MDGA2: variants seen among roughly 807,000 people sequenced by gnomAD.
MDGA2 encodes MAM domain-containing glycosylphosphatidylinositol anchor protein 2.
MDGA2 carries 40 observed loss-of-function variants against 117.8 expected under a neutral mutation model. That is an observed-to-expected ratio of 0.34 (90% CI 0.26 to 0.44). MDGA2 has a LOEUF of 0.44. Ranked by LOEUF, MDGA2 falls within the 20% of genes least tolerant of loss-of-function variation. The pLI is 1.00. For missense variants in MDGA2, 1,123 were observed against 1,250.6 expected, an observed-to-expected ratio of 0.90 and a Z score of 1.54; for synonymous variants, 452 against 439.0, an observed-to-expected ratio of 1.03 and a Z score of -0.37.
intron 9 of MDGA2, among the ~76,000 whole-genome samples, chr14:46,955,642 A>G (rs1388743097): frequency 1.3e-5 from 2 of 152,050 alleles, no homozygotes; most frequent in African/African-American, 4.8e-5. Flanking sequence ...ATTTTAAAAG[A>G]AGAAAGAAAA....
intron 2 of MDGA2, among the ~76,000 whole-genome samples, chr14:47,284,696 T>C (rs1460392458): frequency 6.6e-6 from 1 of 152,156 alleles, no homozygotes; most frequent in East Asian, 1.9e-4. Flanking sequence ...TACTCCATTA[T>C]ACTAACAAAA....
At chr14:47,348,167 ATGTGTGTGTG>A (rs56850503) in intron 1 of MDGA2, among the ~76,000 whole-genome samples, 1 of 143,370 alleles carries the variant, frequency 7.0e-6, no homozygotes, top group African/African-American at 2.6e-5. Context: ...CTCTCTGTAT[ATGTGTGTGTG>A]TGTGTGTGTG....
At chr14:46,913,028 CTA>C (rs1273500114) in intron 10 of MDGA2, among the ~76,000 whole-genome samples, 9 of 152,078 alleles carry the variant, frequency 5.9e-5, no homozygotes, top group African/African-American at 2.2e-4. Context: ...TCTCTCATCT[CTA>C]TATGTTTAAT....
chr14:47,335,421 T>C (rs549485846), intron 1 of MDGA2, among the ~76,000 whole-genome samples: 4 of 151,460 alleles, frequency 2.6e-5, no homozygotes, highest in African/African-American at 4.8e-5. Flanking sequence ...CATATGGATA[T>C]GTAGGCGAAA....
In MDGA2 at chr14:47,298,746, A is replaced by G. The variant is rs529219699; in HGVS notation, c.420+2665T>C. ...GTCGCCCAGGCTGGAGTGCAGTGGCACGATCTCGGCTCACTGCAAGCTCCG... is the reference window on the plus strand; with the variant it reads ...GTCGCCCAGGCTGGAGTGCAGTGGCGCGATCTCGGCTCACTGCAAGCTCCG... On this transcript the variant is annotated intron_variant, in intron 2 of 16. Transcript: ENST00000399232. Among the ~76,000 whole-genome samples, 251 of 143,044 alleles carry G rather than the reference A, an allele frequency of 1.8e-3. 2 individuals carry two copies. Among genetic ancestry groups the G allele is most frequent in the African/African-American group, 5.4e-3 (212 of 39,024 alleles). 93.8% of individuals were successfully genotyped at this position (143,044 alleles called of 152,430 possible). A position where few individuals can be genotyped will look rare whatever the true frequency, so the allele number is the denominator to read the frequency against.
At chr14:46,850,981 A>G (rs1881034318) in intron 15 of MDGA2, among the ~76,000 whole-genome samples, 1 of 151,914 alleles carries the variant, frequency 6.6e-6, no homozygotes, top group Non-Finnish European at 1.5e-5. Flanking sequence ...TGAGCATGTA[A>G]TGTCTACTAA....
intron 1 of MDGA2, among the ~76,000 whole-genome samples, chr14:47,636,298 G>C (rs1431687125): frequency 6.6e-6 from 1 of 152,142 alleles, no homozygotes; most frequent in Non-Finnish European, 1.5e-5. Context: ...CAACTTCTCA[G>C]TATAACTGGA....
At chr14:47,213,861 G>T (rs1277931674) in intron 3 of MDGA2, among the ~76,000 whole-genome samples, 1 of 152,082 alleles carries the variant, frequency 6.6e-6, no homozygotes, top group Non-Finnish European at 1.5e-5. Context: ...CAGCATGGTT[G>T]GGGCGACCTC....
intron 1 of MDGA2, among the ~76,000 whole-genome samples, chr14:47,544,785 G>C (rs931879182): frequency 6.6e-6 from 1 of 152,108 alleles, no homozygotes; most frequent in Non-Finnish European, 1.5e-5. Context: ...AAAGAAGACT[G>C]TCTAATGGGA....
At chr14:47,583,388 G>C (rs976623295) in intron 1 of MDGA2, among the ~76,000 whole-genome samples, 2 of 151,794 alleles carry the variant, frequency 1.3e-5, no homozygotes, top group African/African-American at 2.4e-5. Flanking sequence ...ATGAGCCTTT[G>C]ATTCACCTTG....
chr14:47,504,461 A>C (rs1894468672), intron 1 of MDGA2, among the ~76,000 whole-genome samples: 1 of 152,138 alleles, frequency 6.6e-6, no homozygotes, highest in African/African-American at 2.4e-5. Flanking sequence ...GTAATATTAC[A>C]AGAGGGAGTA....
intron 1 of MDGA2, among the ~76,000 whole-genome samples, chr14:47,658,737 T>C (rs554024594): frequency 2.6e-5 from 4 of 152,306 alleles, no homozygotes; most frequent in African/African-American, 7.2e-5. Flanking sequence ...CTCCCAGAAT[T>C]TGCCTTCCAG....
At chr14:47,028,086 T>C (rs2138617716) in intron 8 of MDGA2, among the ~76,000 whole-genome samples, 1 of 152,224 alleles carries the variant, frequency 6.6e-6, no homozygotes, top group African/African-American at 2.4e-5. Context: ...AATATTTATG[T>C]AAATAAGTGG....
chr14:47,312,133 T>C (rs1255257147), intron 1 of MDGA2, among the ~76,000 whole-genome samples: 2 of 152,172 alleles, frequency 1.3e-5, no homozygotes, highest in African/African-American at 4.8e-5. Flanking sequence ...GACAATCTCA[T>C]AGATTTATAT....
intron 1 of MDGA2, among the ~76,000 whole-genome samples, chr14:47,428,320 ATTG>A (rs1310342930): frequency 6.6e-6 from 1 of 152,132 alleles, no homozygotes; most frequent in East Asian, 1.9e-4. Flanking sequence ...TTTTACTGCA[ATTG>A]TTGCTGTGGC....
intron 3 of MDGA2, among the ~76,000 whole-genome samples, chr14:47,176,932 A>G (rs968391542): frequency 1.3e-5 from 2 of 152,186 alleles, no homozygotes; most frequent in South Asian, 2.1e-4. Context: ...CAGAATCTAC[A>G]ATGAACTCAA....
chr14:47,014,443 T>G (rs897988103), intron 8 of MDGA2, among the ~76,000 whole-genome samples: 10 of 152,352 alleles, frequency 6.6e-5, no homozygotes, highest in African/African-American at 2.4e-4. Flanking sequence ...GACATTTTCT[T>G]TCAATAGAAG....
At chr14:46,886,288 T>G (rs377513156) in intron 10 of MDGA2, among the ~76,000 whole-genome samples, 1 of 152,198 alleles carries the variant, frequency 6.6e-6, no homozygotes, top group African/African-American at 2.4e-5. Flanking sequence ...AATGAAATTG[T>G]AGACTCTTCA....
At chr14:47,486,249 T>G (rs751301904) in intron 1 of MDGA2, among the ~76,000 whole-genome samples, 4 of 152,210 alleles carry the variant, frequency 2.6e-5, no homozygotes, top group Admixed American at 6.5e-5. Flanking sequence ...GAGATCATTT[T>G]GCAACTTTAG....
Sources: gnomAD v4.1 joint callset for allele counts (sites outside exome capture counted in the v4.1 genomes callset) on GRCh38, gnomAD v4.1.1 for gene constraint, MANE v1.5 for transcripts, NCBI Gene and HGNC (gene_info 2026-07-23, HGNC 2026-07-21) for gene names.